Variants in ERP44 observed in about 807,000 individuals in gnomAD.
The protein encoded by ERP44 is endoplasmic reticulum protein 44, also known as endoplasmic reticulum resident protein 44.
In ERP44, 25 loss-of-function variants were observed where a neutral mutation model predicts 53.4. That is an observed-to-expected ratio of 0.47 (90% CI 0.34 to 0.65). ERP44 has a LOEUF of 0.65. Ranked by LOEUF, ERP44 falls within the 30% of genes least tolerant of loss-of-function variation. The pLI, the probability that ERP44 is intolerant of heterozygous loss-of-function variation, is 0.01. For missense variants in ERP44, 338 were observed against 493.2 expected, an observed-to-expected ratio of 0.69 and a Z score of 2.98; for synonymous variants, 145 against 161.2, an observed-to-expected ratio of 0.90 and a Z score of 0.76.
At chr9:100,029,572 G>T (rs768824946) in intron 4 of ERP44, among the ~76,000 whole-genome samples, 24 of 152,188 alleles carry the variant, frequency 1.6e-4, no homozygotes, top group Non-Finnish European at 1.8e-4. Flanking sequence ...TTGTTGATGA[G>T]ACAGTAACGT....
Position 100,020,743 on chromosome 9 carries a change from A to G in ERP44, c.472-12T>C, listed in dbSNP as rs369068577. The G allele has an allele frequency of 5.8e-6, 8 of 1,372,040 alleles. No homozygotes were observed. In the African/African-American group the frequency reaches 1.1e-4, roughly 20 times the overall value. 85.0% of individuals were successfully genotyped at this position (1,372,040 alleles called of 1,614,324 possible). ...TTTCTTTTGCTGCGCTGTAAAATAAAGTATGCAATTATTTTGCAAACATAC... is the reference window on the plus strand; with the variant it reads ...TTTCTTTTGCTGCGCTGTAAAATAAGGTATGCAATTATTTTGCAAACATAC... On this transcript the variant is annotated splice_polypyrimidine_tract_variant and intron_variant, in intron 5 of 11. Transcript: ENST00000262455.
chr9:100,094,450 G>A lies in ERP44; in HGVS notation c.57+4334C>T, dbSNP rs1423260382. Among the ~76,000 whole-genome samples the A allele has an allele frequency of 2.0e-5, 3 of 152,254 alleles. 1 individual carries two copies. The South Asian group carries it at 6.2e-4, about 32-fold the overall frequency. ...AGGCGGGCAGATCACCTCAGGTCAG[G>A]AGTTTGAGACCAGCCTGGCCAACAT... On this transcript the variant is annotated intron_variant, in intron 1 of 11. Coordinates refer to ENST00000262455, the MANE Select transcript of ERP44 (RefSeq NM_015051.3).
chr9:99,984,842 G>C, intron 11 of ERP44, 125 bp downstream of exon 11: 3 of 584,006 alleles, frequency 5.1e-6, no homozygotes, highest in Non-Finnish European at 9.1e-6. Flanking sequence ...TTTCTACTCA[G>C]AATTTCTCTA....
intron 11 of ERP44, among the ~76,000 whole-genome samples, chr9:99,983,541 G>A (rs932842996): frequency 2.2e-4 from 25 of 114,978 alleles, no homozygotes; most frequent in African/African-American, 8.0e-4. Flanking sequence ...GACAGAGCGA[G>A]ACTCCGTCTC....
At chr9:100,036,196 A>G (rs1342734038) in intron 4 of ERP44, among the ~76,000 whole-genome samples, 3 of 152,226 alleles carry the variant, frequency 2.0e-5, no homozygotes, top group African/African-American at 7.2e-5. Context: ...CATATACACA[A>G]CTGATTACTA....
chr9:100,016,546 G>C, intron 7 of ERP44, 108 bp from the exon 8 acceptor site: 1 of 1,391,830 alleles, frequency 7.2e-7, no homozygotes. Flanking sequence ...CTGTCACCCA[G>C]GCTGGAGTAC....
At chr9:100,090,587 A>G (rs2118760339) in intron 1 of ERP44, among the ~76,000 whole-genome samples, 1 of 152,228 alleles carries the variant, frequency 6.6e-6, no homozygotes, top group Middle Eastern at 3.4e-3. Flanking sequence ...CGTCTCTACT[A>G]AAAACACAAA....
At chr9:100,029,810 C>T (rs1825760290) in intron 4 of ERP44, among the ~76,000 whole-genome samples, 1 of 152,184 alleles carries the variant, frequency 6.6e-6, no homozygotes, top group African/African-American at 2.4e-5. Flanking sequence ...AAATGTGGGG[C>T]CGGGTGCGGT....
At chr9:99,990,338 G>A (rs943034257) in intron 10 of ERP44, among the ~76,000 whole-genome samples, 8 of 152,250 alleles carry the variant, frequency 5.3e-5, no homozygotes, top group African/African-American at 1.4e-4. Flanking sequence ...CTGCAAGCCA[G>A]AAGAGAGTAG....
At chr9:100,094,539 TC>T (rs940380402) in intron 1 of ERP44, among the ~76,000 whole-genome samples, 1 of 151,806 alleles carries the variant, frequency 6.6e-6, no homozygotes, top group African/African-American at 2.4e-5. Flanking sequence ...GCGCCTGTAA[TC>T]CCAGCTAATG....
intron 10 of ERP44, among the ~76,000 whole-genome samples, chr9:99,998,116 T>C (rs985777377): frequency 6.6e-6 from 1 of 152,244 alleles, no homozygotes; most frequent in African/African-American, 2.4e-5. Flanking sequence ...AGAATTCTGC[T>C]TAATTTAAGA....
At chr9:100,069,417 T>C (rs536944261) in intron 1 of ERP44, among the ~76,000 whole-genome samples, 1 of 152,248 alleles carries the variant, frequency 6.6e-6, no homozygotes, top group South Asian at 2.1e-4. Flanking sequence ...TAGAATACTC[T>C]ACAAAACTAC....
chr9:100,044,659 A>G (rs992670142), intron 4 of ERP44, among the ~76,000 whole-genome samples: 8 of 152,206 alleles, frequency 5.3e-5, no homozygotes, highest in African/African-American at 1.7e-4. Flanking sequence ...TACAATTAAC[A>G]ATATCACAAT....
chr9:99,991,785 G>A (rs1237096640), intron 10 of ERP44, among the ~76,000 whole-genome samples: 1 of 151,874 alleles, frequency 6.6e-6, no homozygotes, highest in African/African-American at 2.4e-5. Context: ...TAATAAAGAA[G>A]AAAAGAGAGA....
At chr9:100,072,939 G>GT (rs1564103533) in intron 1 of ERP44, among the ~76,000 whole-genome samples, 1 of 152,098 alleles carries the variant, frequency 6.6e-6, no homozygotes, top group Non-Finnish European at 1.5e-5. Context: ...TTTATAACAT[G>GT]TATTAATTAA....
chr9:100,016,513 A>G, intron 7 of ERP44, 75 bp from the exon 8 acceptor site: 2 of 1,449,674 alleles, frequency 1.4e-6, no homozygotes, highest in South Asian at 1.5e-5. Context: ...TTTTCTTTAT[A>G]TTTTTTAAAG....
intron 1 of ERP44, among the ~76,000 whole-genome samples, chr9:100,076,697 A>G (rs1826360436): frequency 6.6e-6 from 1 of 152,190 alleles, no homozygotes; most frequent in South Asian, 2.1e-4. Flanking sequence ...TTGGGGGAAG[A>G]GGTATGTGGA....
chr9:99,995,937 TTTTTA>T (rs1418587580), intron 10 of ERP44, among the ~76,000 whole-genome samples: 1 of 150,450 alleles, frequency 6.6e-6, no homozygotes, highest in African/African-American at 2.4e-5. Context: ...TTTTTTTTTT[TTTTTA>T]TTTTGAGTAA....
chr9:100,073,120 G>C (rs1826323087), intron 1 of ERP44, among the ~76,000 whole-genome samples: 1 of 152,152 alleles, frequency 6.6e-6, no homozygotes. Flanking sequence ...TTTCAGTCAA[G>C]AGGCAGATGA....
Sources: allele counts gnomAD v4.1 joint callset (sites outside exome capture counted in the v4.1 genomes callset), GRCh38; gene constraint gnomAD v4.1.1; transcripts MANE v1.5; gene names NCBI Gene and HGNC (gene_info 2026-07-23, HGNC 2026-07-21).